The following ADAP1 variants were observed in gnomAD, a reference collection of about 807,000 sequenced individuals.
The protein encoded by ADAP1 is ArfGAP with dual PH domains 1.
A neutral mutation model predicts 54.9 loss-of-function variants in ADAP1; 31 were observed. That is an observed-to-expected ratio of 0.56 (90% CI 0.42 to 0.76). ADAP1 has a LOEUF of 0.76. Ranked by LOEUF, ADAP1 falls within the 30% of genes least tolerant of loss-of-function variation. ADAP1 has a pLI of 0.00. For synonymous variants in ADAP1, 313 were observed against 202.6 expected (o/e 1.55, Z -4.63); for missense variants, 535 against 512.4 (o/e 1.04, Z -0.42).
At position 951,483 on chromosome 7, in the gene ADAP1, C is replaced by T. The variant is rs572460439; in HGVS notation, c.82+2913G>A. Reference sequence around the variant, plus strand: ...GCCTTCTTCCCACCCTCACCCATGCCGGCCAAATTCCTGAAACTGGGAGTT... The same window carrying T: ...GCCTTCTTCCCACCCTCACCCATGCTGGCCAAATTCCTGAAACTGGGAGTT... On this transcript the variant is annotated intron_variant, in intron 1 of 10. Coordinates refer to ENST00000265846, the MANE Select transcript of ADAP1 (RefSeq NM_006869.4). 6.6e-4 allele frequency among the ~76,000 whole-genome samples: 101 copies of T among 152,238 alleles called. 2 individuals are homozygous for T. In the South Asian group the frequency reaches 0.018, roughly 28 times the overall value.
Position 925,782 on chromosome 7 carries a change from G to A in ADAP1, c.305+771C>T, listed in dbSNP as rs376498786. ...CACACCCAAACCCTGCACCCAGCTC[G>A]TGCTCGGGGTATCTCTGCGGGGTGG... On this transcript the variant is annotated intron_variant, in intron 3 of 10. Transcript: ENST00000265846. 5.5e-4 allele frequency among the ~76,000 whole-genome samples: 84 copies of A among 152,360 alleles called. 1 individual carries two copies. In the South Asian group the frequency reaches 0.014, roughly 25 times the overall value.
rs111230721 is a variant in ADAP1, at chr7:933,126, C to T, written c.213+2249G>A. 5.3e-3 allele frequency among the ~76,000 whole-genome samples: 813 copies of T among 152,094 alleles called. 6 individuals are homozygous for T. Among genetic ancestry groups the T allele is most frequent in the African/African-American group, 0.018 (758 of 41,528 alleles). ...TCTCTACTAAAAATACGAAAATTAG[C>T]CGGGCGTGGTGGCGTGCACCTGCAA... On this transcript the variant is annotated intron_variant, in intron 2 of 10. Transcript: ENST00000265846.
chr7:948,883 G>C (rs1333537498), intron 1 of ADAP1, among the ~76,000 whole-genome samples: 1 of 152,172 alleles, frequency 6.6e-6, no homozygotes, highest in Non-Finnish European at 1.5e-5. Context: ...TTTTAGTAGA[G>C]ATGGGGTTTC....
intron 1 of ADAP1, among the ~76,000 whole-genome samples, chr7:954,168 T>A (rs1052834542): frequency 7.0e-6 from 1 of 143,054 alleles, no homozygotes. Context: ...CCGGGGGTCC[T>A]GGGGGGGGCC....
At chr7:907,742 G>T (rs369377415) in intron 4 of ADAP1, among the ~76,000 whole-genome samples, 1 of 152,206 alleles carries the variant, frequency 6.6e-6, no homozygotes, top group Non-Finnish European at 1.5e-5. Flanking sequence ...CCTGGGCTCC[G>T]TCTGCCAGGC....
At chr7:942,436 GGA>G (rs1412636949) in intron 1 of ADAP1, among the ~76,000 whole-genome samples, 1 of 85,780 alleles carries the variant, frequency 1.2e-5, no homozygotes, top group Non-Finnish European at 2.5e-5. Flanking sequence ...GAGGAGGAAG[GGA>G]GAGAGGAGGA....
rs370722181 is a variant in ADAP1 at position 900,539 on chromosome 7, G to A, written c.726C>T (p.Asp242=). The change falls in exon 7 of 11, where the codon GAC becomes GAT. Residue 242 remains aspartate, a synonymous_variant. Coordinates refer to ENST00000265846, the MANE Select transcript of ADAP1 (RefSeq NM_006869.4). ...YLQVAFPGAG[D]ADLVPKLSRN... is the part of the protein sequence containing the mutation. Reference sequence around the variant, plus strand: ...CCGCAGGGCCGCCACTCACATCTGCGTCGCCGGCCCCTGGGAATGCCACCT... The same window carrying A: ...CCGCAGGGCCGCCACTCACATCTGCATCGCCGGCCCCTGGGAATGCCACCT... 7.7e-5 allele frequency: 124 copies of A among 1,606,650 alleles called. 1 individual carries two copies. Among genetic ancestry groups the A allele is most frequent in the Middle Eastern group, 3.4e-4 (2 of 5,902 alleles).
chr7:953,238 A>G (rs1293317718), intron 1 of ADAP1, among the ~76,000 whole-genome samples: 1 of 152,106 alleles, frequency 6.6e-6, no homozygotes, highest in Non-Finnish European at 1.5e-5. Context: ...GTCTCAGGAG[A>G]CCATGGAAAG....
At chr7:913,736 A>T (rs1845819660) in intron 4 of ADAP1, among the ~76,000 whole-genome samples, 1 of 151,946 alleles carries the variant, frequency 6.6e-6, no homozygotes, top group Non-Finnish European at 1.5e-5. Context: ...GGAGTTCCAG[A>T]CCAGCCTGGC....
Position 908,684 on chromosome 7 carries a change from CTT to C in ADAP1, c.389-3514_389-3513del, listed in dbSNP as rs1472696715. ...GGCTCTGCCTCCGACATCAGGACCTCTTTGGACGCGGCGCTTCGTGGCTGAGG... is the reference window on the plus strand; with the variant it reads ...GGCTCTGCCTCCGACATCAGGACCTCTGGACGCGGCGCTTCGTGGCTGAGG... On this transcript the variant is annotated intron_variant, in intron 4 of 10. Transcript: ENST00000265846. 2.6e-5 allele frequency among the ~76,000 whole-genome samples: 4 copies of C among 152,336 alleles called. No individual in the cohort carries two copies. In the East Asian group the frequency reaches 7.7e-4, roughly 29 times the overall value.
At chr7:927,088 G>A in intron 2 of ADAP1, 4 of 1,302,162 alleles carry the variant, frequency 3.1e-6, no homozygotes, top group Non-Finnish European at 4.0e-6. Flanking sequence ...GCCAGACACG[G>A]GGGCCTGGAG....
rs575036147 is a variant in ADAP1 at position 935,175 on chromosome 7, C to T, written c.213+200G>A. Reference sequence around the variant, plus strand: ...GAGCTGCTCACAGAGAGGTTGGACCCGGCACGGGGTGGGTGGAGCAGCCAC... The same window carrying T: ...GAGCTGCTCACAGAGAGGTTGGACCTGGCACGGGGTGGGTGGAGCAGCCAC... On this transcript the variant is annotated intron_variant, in intron 2 of 10. Transcript: ENST00000265846. The T allele has an allele frequency of 2.1e-4, 159 of 768,846 alleles. 2 individuals are homozygous for T. The highest frequency in any genetic ancestry group is 1.8e-3 in the South Asian group (120 of 68,112). The allele number at this position is 768,846 out of a possible 1,614,324, so 47.6% of individuals were successfully genotyped here. A position where few individuals can be genotyped will look rare whatever the true frequency, so the allele number is the denominator to read the frequency against.
In ADAP1 at chr7:939,264, GGCTGGAGT is replaced by G. The variant is rs375313209; in HGVS notation, c.83-3767_83-3760del. Among the ~76,000 whole-genome samples, 551 of 152,230 alleles carry G rather than the reference GGCTGGAGT, an allele frequency of 3.6e-3. 3 individuals carry two copies. The highest frequency in any genetic ancestry group is 0.012 in the African/African-American group (506 of 41,550). The stretch of plus-strand genomic sequence containing the variant: ...GACAGAGTTTCGCTCTTGTTGTCCA[GGCTGGAGT>G]GCAATGGTGTGATCTCAGCTCACTG... On this transcript the variant is annotated intron_variant, in intron 1 of 10. Coordinates refer to ENST00000265846, the MANE Select transcript of ADAP1 (RefSeq NM_006869.4).
At chr7:952,688 G>A (rs538084232) in intron 1 of ADAP1, among the ~76,000 whole-genome samples, 5 of 152,248 alleles carry the variant, frequency 3.3e-5, no homozygotes, top group East Asian at 3.9e-4. Flanking sequence ...AGTCTCCCTG[G>A]CTGTGAAATG....
intron 2 of ADAP1, among the ~76,000 whole-genome samples, chr7:933,350 C>G (rs1193110935): frequency 6.6e-6 from 1 of 152,148 alleles, no homozygotes; most frequent in African/African-American, 2.4e-5. Context: ...GGCACCACCC[C>G]CACACCTGGT....
intron 3 of ADAP1, among the ~76,000 whole-genome samples, chr7:921,551 C>G (rs766747364): frequency 2.0e-5 from 3 of 152,212 alleles, no homozygotes; most frequent in Non-Finnish European, 4.4e-5. Context: ...ACTCCTGAGG[C>G]CAATCCTCCC....
At position 926,058 on chromosome 7, in the gene ADAP1, C is replaced by T. The variant is rs1846376525; in HGVS notation, c.305+495G>A. Among the ~76,000 whole-genome samples, 1 of 152,042 alleles carries T rather than the reference C, an allele frequency of 6.6e-6. No homozygotes were observed. The highest frequency in any genetic ancestry group is 1.5e-5 in the Non-Finnish European group (1 of 67,972). ...TTGGAGGGGCGGGTGTTGGTGAAGG[C>T]GGCTGATGTGATACCGAGCAGGCCT... On this transcript the variant is annotated intron_variant, in intron 3 of 10. Coordinates refer to ENST00000265846, the MANE Select transcript of ADAP1 (RefSeq NM_006869.4). This position sits in a 1 kb window ranked among gnomAD's most constrained non-coding sequence, Gnocchi z 4.6.
chr7:916,836 C>T (rs976410302), intron 4 of ADAP1, among the ~76,000 whole-genome samples: 3 of 152,112 alleles, frequency 2.0e-5, no homozygotes, highest in Non-Finnish European at 2.9e-5. Flanking sequence ...TGGGGAGGTG[C>T]CTTGCTCAGG....
At chr7:951,146 G>A (rs929269484) in intron 1 of ADAP1, among the ~76,000 whole-genome samples, 10 of 152,202 alleles carry the variant, frequency 6.6e-5, no homozygotes, top group Admixed American at 3.3e-4. Flanking sequence ...AGGCCGAGGC[G>A]GGTGGATCAC....
Sources: allele counts gnomAD v4.1 joint callset (sites outside exome capture counted in the v4.1 genomes callset), GRCh38; gene constraint gnomAD v4.1.1; non-coding constraint Gnocchi (gnomAD v3.1); transcripts MANE v1.5; gene names NCBI Gene and HGNC (gene_info 2026-07-23, HGNC 2026-07-21).